SRGAP3: variants seen among roughly 807,000 people sequenced by gnomAD.
SRGAP3 encodes SLIT-ROBO Rho GTPase-activating protein 3.
Under a neutral mutation model 121.1 loss-of-function variants are expected in SRGAP3, and 39 were observed. That is an observed-to-expected ratio of 0.32 (90% CI 0.25 to 0.42). SRGAP3 has a LOEUF of 0.42. SRGAP3 is among the 10% of genes least tolerant of loss of function. SRGAP3 has a pLI of 1.00. For synonymous variants in SRGAP3, 601 were observed against 570.0 expected, an observed-to-expected ratio of 1.05 and a Z score of -0.77; for missense variants, 1,213 against 1,470.6, an observed-to-expected ratio of 0.82 and a Z score of 2.86.
chr3:9,227,020 G>A (rs1404505583), intron 1 of SRGAP3, among the ~76,000 whole-genome samples: 1 of 152,116 alleles, frequency 6.6e-6, no homozygotes, highest in African/African-American at 2.4e-5. Context: ...GAGCCAAGCA[G>A]GCAACAGAAA....
intron 4 of SRGAP3, among the ~76,000 whole-genome samples, chr3:9,073,029 A>G (rs1396923653): frequency 6.6e-6 from 1 of 152,152 alleles, no homozygotes; most frequent in Non-Finnish European, 1.5e-5. Flanking sequence ...ACACTGCTTG[A>G]TTTTCACTTA....
At chr3:9,333,021 A>C (rs553116958) in intron 1 of SRGAP3, among the ~76,000 whole-genome samples, 1 of 152,300 alleles carries the variant, frequency 6.6e-6, no homozygotes, top group South Asian at 2.1e-4. Flanking sequence ...CCACAATGGC[A>C]GGGGGAAAAA....
At chr3:8,999,096 T>A (rs1036287226) in intron 18 of SRGAP3, among the ~76,000 whole-genome samples, 1 of 152,262 alleles carries the variant, frequency 6.6e-6, no homozygotes, top group Non-Finnish European at 1.5e-5. Context: ...ATTGAGAGGC[T>A]AATTGTACCA....
chr3:9,069,635 G>A (rs73811425), intron 4 of SRGAP3, among the ~76,000 whole-genome samples: 21,043 of 152,214 alleles, frequency 0.14, 1,574 homozygotes, highest in East Asian at 0.21. Context: ...CCCCTCACTT[G>A]AGGAGATGGA....
At chr3:9,067,260 AT>A (rs927219620) in intron 4 of SRGAP3, among the ~76,000 whole-genome samples, 39 of 146,220 alleles carry the variant, frequency 2.7e-4, no homozygotes, top group Non-Finnish European at 4.5e-4. Flanking sequence ...GTGAAAAAAA[AT>A]ATATTTTTAT....
intron 4 of SRGAP3, among the ~76,000 whole-genome samples, chr3:9,078,446 T>C (rs1575038051): frequency 1.3e-5 from 2 of 152,052 alleles, no homozygotes; most frequent in African/African-American, 4.8e-5. Context: ...GCATTATTTA[T>C]CACCACCCTT....
At chr3:9,144,001 T>G (rs899562545) in intron 1 of SRGAP3, among the ~76,000 whole-genome samples, 2 of 152,174 alleles carry the variant, frequency 1.3e-5, no homozygotes, top group African/African-American at 4.8e-5. Flanking sequence ...TGTCTCTGAC[T>G]TGAACAACCA....
intron 1 of SRGAP3, among the ~76,000 whole-genome samples, chr3:9,242,770 G>A (rs1017959621): frequency 1.3e-5 from 2 of 152,172 alleles, no homozygotes; most frequent in African/African-American, 2.4e-5. Context: ...CTGCAGCCTT[G>A]AACTCCTGGG....
Position 9,336,755 on chromosome 3 carries a change from A to G in SRGAP3, n.215-6159T>C, listed in dbSNP as rs145997412. ...AAGTAAATAAACTCAGATAGGTGGA[A>G]TAAGAGTCTTACTTTAAACAGCCTT... On this transcript the variant is annotated intron_variant and non_coding_transcript_variant, in intron 1 of 3. Coordinates refer to the SRGAP3 transcript ENST00000490889. Among the ~76,000 whole-genome samples the G allele has an allele frequency of 1.9e-3, 285 of 152,306 alleles. 1 individual carries two copies. The highest frequency in any genetic ancestry group is 5.3e-3 in the African/African-American group (219 of 41,556).
At chr3:9,348,387 A>G in intron 1 of SRGAP3, 1 of 527,276 alleles carries the variant, frequency 1.9e-6, no homozygotes, top group Non-Finnish European at 3.5e-6. Flanking sequence ...TAAAAAGACA[A>G]ATGTGCCTCC....
chr3:9,266,137 C>T (rs549014893), intron 3 of SRGAP3, among the ~76,000 whole-genome samples: 2,427 of 152,220 alleles, frequency 0.016, 58 homozygotes, highest in African/African-American at 0.053. Flanking sequence ...AAAGCAAACA[C>T]CACATGTTCT....
At chr3:9,099,447 G>C (rs79573301) in intron 3 of SRGAP3, among the ~76,000 whole-genome samples, 65 of 152,362 alleles carry the variant, frequency 4.3e-4, no homozygotes, top group African/African-American at 1.4e-3. Context: ...GAAATGGAAT[G>C]GGCTTCAATA....
chr3:8,985,182 A>G lies in SRGAP3; in HGVS notation c.*337T>C. The G allele has an allele frequency of 2.3e-6, 1 of 433,370 alleles. No homozygotes were observed. The highest frequency in any genetic ancestry group is 4.2e-6 in the Non-Finnish European group (1 of 235,362). 26.8% of individuals were successfully genotyped at this position (433,370 alleles called of 1,614,324 possible). On this transcript the variant is annotated 3_prime_UTR_variant, in exon 22 of 22. Coordinates refer to ENST00000383836, the MANE Select transcript of SRGAP3 (RefSeq NM_014850.4). The surrounding 1 kb of genome is among the most constrained non-coding windows in gnomAD (Gnocchi z 5.1). ...CATCGATATACACACACATATACGT[A>G]TGTAGAGAGAATGTCGAGAGAGGAA...
intron 1 of SRGAP3, among the ~76,000 whole-genome samples, chr3:9,145,132 G>A (rs1255724982): frequency 5.3e-5 from 8 of 151,950 alleles, no homozygotes; most frequent in East Asian, 1.9e-4. Context: ...GTCTCACTCC[G>A]TCATCCAGGA....
intron 1 of SRGAP3, among the ~76,000 whole-genome samples, chr3:9,199,364 C>T (rs1373062424): frequency 3.3e-5 from 5 of 152,174 alleles, no homozygotes; most frequent in African/African-American, 4.8e-5. Context: ...TTTGTTTTCC[C>T]GTTTTTCAAT....
At chr3:9,204,577 G>C (rs1178192454) in intron 1 of SRGAP3, among the ~76,000 whole-genome samples, 1 of 152,148 alleles carries the variant, frequency 6.6e-6, no homozygotes, top group African/African-American at 2.4e-5. Flanking sequence ...CTGCAAAACA[G>C]AAATTCTTTT....
At chr3:9,060,735 G>A (rs542547117) in intron 5 of SRGAP3, among the ~76,000 whole-genome samples, 14 of 113,234 alleles carry the variant, frequency 1.2e-4, no homozygotes, top group Middle Eastern at 4.7e-3. Flanking sequence ...CACCATGCCC[G>A]GCCCAGTGGT....
chr3:9,259,144 G>A (rs80179682), intron 3 of SRGAP3, among the ~76,000 whole-genome samples: 1,547 of 152,016 alleles, frequency 0.01, 12 homozygotes, highest in Non-Finnish European at 0.018. Context: ...TGGCTCCTGC[G>A]TCGCCTTCTC....
chr3:9,077,011 G>C (rs1308370420), intron 4 of SRGAP3, among the ~76,000 whole-genome samples: 1 of 152,026 alleles, frequency 6.6e-6, no homozygotes, highest in Non-Finnish European at 1.5e-5. Context: ...TATGCACAAC[G>C]TGCAGGTTTG....
Sources: gnomAD v4.1 joint callset for allele counts (sites outside exome capture counted in the v4.1 genomes callset) on GRCh38, gnomAD v4.1.1 for gene constraint, Gnocchi (gnomAD v3.1) non-coding constraint, MANE v1.5 for transcripts, NCBI Gene and HGNC (gene_info 2026-07-23, HGNC 2026-07-21) for gene names.